CSMD1: variants seen among roughly 807,000 people sequenced by gnomAD.
CSMD1 encodes CUB and sushi domain-containing protein 1.
CSMD1 carries 213 observed loss-of-function variants against 417.5 expected under a neutral mutation model. That is an observed-to-expected ratio of 0.51 (90% CI 0.46 to 0.57). The LOEUF (loss-of-function observed/expected upper bound fraction) is 0.57. Ranked by LOEUF, CSMD1 falls within the 20% of genes least tolerant of loss-of-function variation. The pLI, the probability that CSMD1 is intolerant of heterozygous loss-of-function variation, is 0.00. For synonymous variants in CSMD1, 2,862 were observed against 1,736.8 expected (o/e 1.65, Z -16.11); for missense variants, 6,923 against 4,529.7 (o/e 1.53, Z -15.17).
At chr8:4,432,235 G>C (rs747231056) in intron 2 of CSMD1, among the ~76,000 whole-genome samples, 1 of 152,166 alleles carries the variant, frequency 6.6e-6, no homozygotes, top group African/African-American at 2.4e-5. Context: ...TGGGTTATGA[G>C]AAAACAGTAA....
At chr8:3,502,976 G>C (rs1053381807) in intron 10 of CSMD1, among the ~76,000 whole-genome samples, 4 of 152,102 alleles carry the variant, frequency 2.6e-5, no homozygotes, top group Non-Finnish European at 5.9e-5. Flanking sequence ...CAGTGGGGAG[G>C]TTGTGCATGT....
At chr8:3,143,620 G>C (rs1486451248) in intron 40 of CSMD1, among the ~76,000 whole-genome samples, 1 of 152,122 alleles carries the variant, frequency 6.6e-6, no homozygotes, top group Non-Finnish European at 1.5e-5. Flanking sequence ...ATTAGTCTTT[G>C]CATAAGTCCA....
At chr8:2,951,303 G>A in intron 65 of CSMD1, 28 bp from the exon 66 acceptor site, 7 of 1,580,420 alleles carry the variant, frequency 4.4e-6, no homozygotes, top group Non-Finnish European at 6.0e-6. Flanking sequence ...ACAGACCAAT[G>A]TCAGCACACA....
intron 2 of CSMD1, among the ~76,000 whole-genome samples, chr8:4,495,984 C>A (rs1004294536): frequency 1.3e-5 from 2 of 152,138 alleles, no homozygotes; most frequent in African/African-American, 4.8e-5. Flanking sequence ...ATAGTCTGGC[C>A]TTCAGCAACT....
chr8:3,675,673 T>C (rs142043675), intron 7 of CSMD1, among the ~76,000 whole-genome samples: 2 of 152,310 alleles, frequency 1.3e-5, no homozygotes, highest in African/African-American at 2.4e-5. Context: ...AATTAGAAGA[T>C]GCCATCTGCA....
At chr8:4,788,866 C>T (rs1241068389) in intron 1 of CSMD1, among the ~76,000 whole-genome samples, 1 of 152,218 alleles carries the variant, frequency 6.6e-6, no homozygotes, top group Non-Finnish European at 1.5e-5. Context: ...CTGCTCCTTC[C>T]TGACTCCAGG....
intron 5 of CSMD1, among the ~76,000 whole-genome samples, chr8:3,783,910 G>A (rs955937983): frequency 3.4e-3 from 2 of 580 alleles, no homozygotes; most frequent in Non-Finnish European, 0.042. Context: ...GCAGGCTGGA[G>A]CTGGGCTGCA....
intron 5 of CSMD1, among the ~76,000 whole-genome samples, chr8:3,879,485 G>A (rs1309089156): frequency 1.3e-5 from 2 of 152,074 alleles, no homozygotes; most frequent in Non-Finnish European, 2.9e-5. Context: ...CTTAGAAATG[G>A]GACAGAGACC....
intron 3 of CSMD1, among the ~76,000 whole-genome samples, chr8:4,059,096 CA>C (rs1183644590): frequency 6.6e-6 from 1 of 152,190 alleles, no homozygotes; most frequent in Non-Finnish European, 1.5e-5. Context: ...AACTGTCTCT[CA>C]GACCACAGTG....
At chr8:4,579,112 A>G (rs1799286693) in intron 2 of CSMD1, among the ~76,000 whole-genome samples, 1 of 152,006 alleles carries the variant, frequency 6.6e-6, no homozygotes, top group South Asian at 2.1e-4. Flanking sequence ...GGACAATAAA[A>G]CATGCAGGAA....
chr8:3,891,375 A>G (rs1483294605), intron 5 of CSMD1, among the ~76,000 whole-genome samples: 2 of 152,068 alleles, frequency 1.3e-5, no homozygotes, highest in Admixed American at 1.3e-4. Flanking sequence ...AATTAGGTCA[A>G]TTCAATTCCA....
At chr8:3,126,534 C>T (rs759398849) in intron 41 of CSMD1, among the ~76,000 whole-genome samples, 13 of 152,150 alleles carry the variant, frequency 8.5e-5, no homozygotes, top group Non-Finnish European at 1.9e-4. Flanking sequence ...CATCTGGGGT[C>T]TCAGTAGCAT....
At chr8:4,501,815 C>T (rs949716261) in intron 2 of CSMD1, among the ~76,000 whole-genome samples, 1 of 152,040 alleles carries the variant, frequency 6.6e-6, no homozygotes, top group African/African-American at 2.4e-5. Context: ...CGTAGTGGGC[C>T]TTATTTATAA....
At chr8:4,945,534 A>G (rs1563834892) in intron 1 of CSMD1, among the ~76,000 whole-genome samples, 1 of 152,144 alleles carries the variant, frequency 6.6e-6, no homozygotes, top group South Asian at 2.1e-4. Context: ...GAAAAAAAAA[A>G]AAGTGGTACT....
chr8:4,346,241 CTAAA>C (rs1363523399), intron 3 of CSMD1, among the ~76,000 whole-genome samples: 2 of 152,076 alleles, frequency 1.3e-5, no homozygotes, highest in Admixed American at 6.6e-5. Flanking sequence ...TTTGAAATGA[CTAAA>C]TATACATCCA....
At chr8:4,853,786 T>C (rs77925554) in intron 1 of CSMD1, among the ~76,000 whole-genome samples, 1 of 152,148 alleles carries the variant, frequency 6.6e-6, no homozygotes, top group East Asian at 1.9e-4. Context: ...GCAGCCACAC[T>C]GCACCCCACA....
intron 5 of CSMD1, among the ~76,000 whole-genome samples, chr8:3,766,683 AC>A (rs1173357204): frequency 2.0e-5 from 3 of 152,118 alleles, no homozygotes; most frequent in Admixed American, 2.0e-4. Context: ...TAAAAAAAAA[AC>A]ATGGTAACAA....
intron 1 of CSMD1, chr8:4,788,040 AT>A: frequency 6.3e-7 from 1 of 1,591,778 alleles, no homozygotes; most frequent in Non-Finnish European, 8.6e-7. Context: ...AGGGCTCCAA[AT>A]GGTAAAGAAA....
At chr8:4,400,087 T>G (rs73658846) in intron 3 of CSMD1, among the ~76,000 whole-genome samples, 16,155 of 152,106 alleles carry the variant, frequency 0.11, 2,887 homozygotes, top group African/African-American at 0.37. Flanking sequence ...GAGATCTAAA[T>G]ACGAGTACAT....
Sources: allele counts gnomAD v4.1 joint callset (sites outside exome capture counted in the v4.1 genomes callset), GRCh38; gene constraint gnomAD v4.1.1; transcripts MANE v1.5; gene names NCBI Gene and HGNC (gene_info 2026-07-23, HGNC 2026-07-21).